The following TAF7L variants were observed in gnomAD, a reference collection of about 807,000 sequenced individuals.
TAF7L encodes TATA-box binding protein associated factor 7 like.
Under a neutral mutation model 30.2 loss-of-function variants are expected in TAF7L, and 6 were observed. That is an observed-to-expected ratio of 0.20 (90% CI 0.11 to 0.39). The LOEUF (loss-of-function observed/expected upper bound fraction) is 0.39. Among genes scored for constraint, TAF7L ranks in the 10% least tolerant of loss-of-function variants. TAF7L has a pLI of 1.00. For missense variants in TAF7L, 284 were observed against 277.1 expected, an observed-to-expected ratio of 1.03 and a Z score of -0.18; for synonymous variants, 93 against 94.5, an observed-to-expected ratio of 0.98 and a Z score of 0.09.
intron 3 of TAF7L, among the ~76,000 whole-genome samples, chrX:101,285,578 C>T (rs1398622324): frequency 1.0e-5 from 1 of 99,988 alleles, no homozygotes; most frequent in Non-Finnish European, 2.0e-5. Context: ...TCTCCTCATC[C>T]TCATTAACAG....
At chrX:101,283,427 T>G in intron 4 of TAF7L, 23 bp downstream of exon 4, 2 of 1,204,907 alleles carry the variant, frequency 1.7e-6, no homozygotes. Flanking sequence ...GATGTGAGGC[T>G]AGTAAAGAAA....
At position 101,286,567 on chromosome X, in the gene TAF7L, C is replaced by A; in HGVS notation, c.145+8G>T. On this transcript the variant is annotated splice_region_variant and intron_variant, in intron 3 of 12. Coordinates refer to ENST00000356784, the MANE Select transcript of TAF7L (RefSeq NM_001168474.2). Reference sequence around the variant, plus strand: ...TCAATGTATAGTGAATGGATATTAACTACTTACGCAATAAGTCAATTTTTA... The same window carrying A: ...TCAATGTATAGTGAATGGATATTAAATACTTACGCAATAAGTCAATTTTTA... 1.7e-6 allele frequency: 2 copies of A among 1,174,217 alleles called. No homozygotes were observed. The highest frequency in any genetic ancestry group is 1.2e-6 in the Non-Finnish European group (1 of 863,483).
intron 11 of TAF7L, 33 bp from the exon 12 acceptor site, chrX:101,275,314 G>A (rs1308464756): frequency 2.2e-6 from 2 of 903,918 alleles, no homozygotes; most frequent in African/African-American, 2.5e-5. Flanking sequence ...GATGAACACT[G>A]AGTCTCAAAG....
intron 10 of TAF7L, 51 bp from the exon 11 acceptor site, chrX:101,276,163 G>T: frequency 8.6e-7 from 1 of 1,156,101 alleles, no homozygotes; most frequent in South Asian, 2.0e-5. Context: ...TAAATGAATG[G>T]ACCAAGATCC....
intron 3 of TAF7L, among the ~76,000 whole-genome samples, chrX:101,284,393 C>T (rs1296605664): frequency 8.9e-6 from 1 of 111,962 alleles, no homozygotes; most frequent in African/African-American, 3.2e-5. Flanking sequence ...GAGAAGGAGT[C>T]TCACTCTGTC....
In TAF7L at chrX:101,275,204, T is replaced by C. The variant is rs369546171; in HGVS notation, c.1086+18A>G. On this transcript the variant is annotated intron_variant, in intron 12 of 12. Coordinates refer to ENST00000356784, the MANE Select transcript of TAF7L (RefSeq NM_001168474.2). ...TGTATCAAATGTTTTCTGGTTAATTTGAAAACATACTTCTTACCTTCTCAT... is the reference window on the plus strand; with the variant it reads ...TGTATCAAATGTTTTCTGGTTAATTCGAAAACATACTTCTTACCTTCTCAT... 5.6e-5 allele frequency: 64 copies of C among 1,134,209 alleles called. No individual in the cohort carries two copies. The African/African-American group carries it at 9.8e-4, about 17-fold the overall frequency. The allele number at this position is 1,134,209 out of a possible 1,213,427, so 93.5% of individuals were successfully genotyped here. A position where few individuals can be genotyped will look rare whatever the true frequency, so the allele number is the denominator to read the frequency against.
At chrX:101,275,873 T>C in intron 11 of TAF7L, 127 bp downstream of exon 11, 1 of 450,681 alleles carries the variant, frequency 2.2e-6, no homozygotes, top group Non-Finnish European at 3.7e-6. Context: ...TTATTAGGAG[T>C]TTCTAAGAGG....
intron 12 of TAF7L, among the ~76,000 whole-genome samples, chrX:101,274,313 C>A (rs1050913034): frequency 2.7e-5 from 3 of 109,223 alleles, no homozygotes; most frequent in African/African-American, 6.7e-5. Flanking sequence ...CTCCTGGGCT[C>A]AAGCAATCCT....
chrX:101,288,258 C>T (rs1924676346), intron 1 of TAF7L, among the ~76,000 whole-genome samples: 1 of 109,370 alleles, frequency 9.1e-6, no homozygotes, highest in South Asian at 4.0e-4. Flanking sequence ...TCTCCTGCCT[C>T]AGTCTCCCAA....
chrX:101,272,461 A>G (rs1301116092), intron 12 of TAF7L, among the ~76,000 whole-genome samples: 2 of 112,037 alleles, frequency 1.8e-5, no homozygotes, highest in Non-Finnish European at 3.8e-5. Flanking sequence ...TAAATGGAAA[A>G]AAGTACTGAT....
chrX:101,276,970 CAA>C (rs35125792), intron 9 of TAF7L, among the ~76,000 whole-genome samples: 1 of 82,184 alleles, frequency 1.2e-5, no homozygotes. Flanking sequence ...TCTCTACTTA[CAA>C]AAAAAAAAAA....
intron 1 of TAF7L, among the ~76,000 whole-genome samples, chrX:101,290,681 T>C (rs1270746234): frequency 8.9e-6 from 1 of 112,345 alleles, no homozygotes; most frequent in East Asian, 2.8e-4. Context: ...AGTTAGACAA[T>C]CCTGGTTGAA....
Position 101,275,216 on chromosome X carries a change from T to G in TAF7L, c.1086+6A>C. ...TTTCTGGTTAATTTGAAAACATACT[T>G]CTTACCTTCTCATTTTTTTGTTTTT... On this transcript the variant is annotated splice_donor_region_variant and intron_variant, in intron 12 of 12. Coordinates refer to ENST00000356784, the MANE Select transcript of TAF7L (RefSeq NM_001168474.2). 2 of 1,167,945 alleles carry G rather than the reference T, an allele frequency of 1.7e-6. No homozygotes were observed. Among genetic ancestry groups the G allele is most frequent in the Non-Finnish European group, 2.3e-6 (2 of 862,753 alleles).
chrX:101,270,975 A>C (rs1337887134), intron 12 of TAF7L, among the ~76,000 whole-genome samples: 3 of 110,857 alleles, frequency 2.7e-5, no homozygotes, highest in Non-Finnish European at 3.8e-5. Flanking sequence ...TTAAAACCCT[A>C]CCTATATTTT....
At chrX:101,276,669 C>A (rs1391130907) in intron 9 of TAF7L, 141 bp from the exon 10 acceptor site, 2 of 643,167 alleles carry the variant, frequency 3.1e-6, no homozygotes, top group Admixed American at 6.1e-5. Context: ...GAAGATTATT[C>A]CCTTTATAAA....
intron 9 of TAF7L, 82 bp downstream of exon 9, chrX:101,277,524 C>G: frequency 5.4e-6 from 2 of 368,840 alleles, no homozygotes; most frequent in Non-Finnish European, 8.7e-6. Context: ...TTTGGATTGG[C>G]CTATGAATTT....
At chrX:101,270,219 G>C (rs941733408) in intron 12 of TAF7L, among the ~76,000 whole-genome samples, 24 of 111,819 alleles carry the variant, frequency 2.1e-4, no homozygotes, top group African/African-American at 7.8e-4. Flanking sequence ...TTACAACAAA[G>C]GTTGTTTTTG....
chrX:101,277,451 C>CAAAAAAAAAAAA (rs368056727), intron 9 of TAF7L, among the ~76,000 whole-genome samples, 155 bp downstream of exon 9: 14 of 40,403 alleles, frequency 3.5e-4, no homozygotes, highest in Admixed American at 7.7e-4. Context: ...GACTCCATCT[C>CAAAAAAAAAAAA]AAAAAAAAAA....
intron 12 of TAF7L, among the ~76,000 whole-genome samples, chrX:101,271,598 A>T (rs1314314747): frequency 1.8e-5 from 2 of 112,173 alleles, no homozygotes; most frequent in African/African-American, 6.5e-5. Flanking sequence ...TGGGTGAGTC[A>T]GTGAGTGAGT....
Sources: allele counts gnomAD v4.1 joint callset (sites outside exome capture counted in the v4.1 genomes callset), GRCh38; gene constraint gnomAD v4.1.1; transcripts MANE v1.5; gene names NCBI Gene and HGNC (gene_info 2026-07-23, HGNC 2026-07-21).